The following SKAP2 variants were observed in gnomAD, a reference collection of about 807,000 sequenced individuals.
SKAP2 encodes src kinase associated phosphoprotein 2.
Under a neutral mutation model 54.9 loss-of-function variants are expected in SKAP2, and 28 were observed. The ratio of observed to expected loss-of-function variants is 0.51; its 90% CI spans 0.38 to 0.70. The LOEUF (loss-of-function observed/expected upper bound fraction) is 0.70, where lower values mean the gene tolerates loss of function less well. Among genes scored for constraint, SKAP2 ranks in the 30% least tolerant of loss-of-function variants. SKAP2 has a pLI of 0.00. For synonymous variants in SKAP2, 137 were observed against 134.3 expected (o/e 1.02, Z -0.14); for missense variants, 356 against 424.1 (o/e 0.84, Z 1.41).
intron 4 of SKAP2, among the ~76,000 whole-genome samples, chr7:26,777,864 C>A (rs928495628): frequency 8.6e-5 from 13 of 151,816 alleles, no homozygotes; most frequent in Non-Finnish European, 1.9e-4. Flanking sequence ...ATACTACATA[C>A]CTGGTAAAAT....
chr7:26,659,256 G>T, the SKAP2 span, among the ~76,000 whole-genome samples: 18 of 152,066 alleles, frequency 1.2e-4, no homozygotes, highest in South Asian at 3.5e-3. Flanking sequence ...TGGCTTTATG[G>T]CTTTTTAAAA....
chr7:26,747,839 CT>C (rs1191763122), intron 4 of SKAP2, among the ~76,000 whole-genome samples: 2 of 151,332 alleles, frequency 1.3e-5, no homozygotes, highest in Admixed American at 6.6e-5. Flanking sequence ...TCTCCTTTCC[CT>C]TTTTTTCTTC....
Position 26,690,369 on chromosome 7 carries a change from A to G in SKAP2, c.797-7T>C. The stretch of plus-strand genomic sequence containing the variant: ...GCACTGTCCTCTTCTTCTTCTGTAA[A>G]TAAACATTATCAATGGCACATTGAA... On this transcript the variant is annotated splice_polypyrimidine_tract_variant and splice_region_variant and intron_variant, in intron 9 of 12. Coordinates refer to ENST00000345317, the MANE Select transcript of SKAP2 (RefSeq NM_003930.5). 1 of 1,592,324 alleles carries G rather than the reference A, an allele frequency of 6.3e-7. No individual in the cohort carries two copies. The highest frequency in any genetic ancestry group is 1.1e-5 in the South Asian group (1 of 90,654).
intron 4 of SKAP2, among the ~76,000 whole-genome samples, chr7:26,786,948 C>T (rs550464427): frequency 1.9e-4 from 29 of 152,132 alleles, no homozygotes; most frequent in African/African-American, 6.7e-4. Flanking sequence ...TTTCCCATAG[C>T]TAATTAATTT....
chr7:26,783,286 T>C (rs941097653), intron 4 of SKAP2, among the ~76,000 whole-genome samples: 1 of 152,152 alleles, frequency 6.6e-6, no homozygotes, highest in Admixed American at 6.5e-5. Context: ...AATATCTTGT[T>C]TGTTCTCTCC....
At position 26,805,731 on chromosome 7, in the gene SKAP2, G is replaced by C. The variant is rs116090065; in HGVS notation, c.307+38299C>G. ...AATTCTGACTGCAATTTCATGAATA[G>C]TTCTAAGCCAGAGACTGCTAAGCCA... On this transcript the variant is annotated intron_variant, in intron 4 of 12. Coordinates refer to ENST00000345317, the MANE Select transcript of SKAP2 (RefSeq NM_003930.5). Among the ~76,000 whole-genome samples, 774 of 152,312 alleles carry C rather than the reference G, an allele frequency of 5.1e-3. 6 individuals carry two copies. The highest frequency in any genetic ancestry group is 0.018 in the African/African-American group (732 of 41,562).
At position 26,709,789 on chromosome 7, in the gene SKAP2, G is replaced by A. The variant is rs573571218; in HGVS notation, c.796+15639C>T. 5.3e-5 allele frequency among the ~76,000 whole-genome samples: 8 copies of A among 152,224 alleles called. No individual in the cohort carries two copies. The East Asian group carries it at 9.7e-4, about 18-fold the overall frequency. ...TCATTTCCTGGGAAATGTCTTGCTC[G>A]AGATGACTAGCCTGCCATAGGGAAC... On this transcript the variant is annotated intron_variant, in intron 9 of 12. Transcript: ENST00000345317.
At chr7:26,788,483 T>C (rs1783605487) in intron 4 of SKAP2, among the ~76,000 whole-genome samples, 1 of 152,206 alleles carries the variant, frequency 6.6e-6, no homozygotes, top group Non-Finnish European at 1.5e-5. Context: ...TTTCTTACAT[T>C]ACAAATTAAG....
intron 6 of SKAP2, among the ~76,000 whole-genome samples, chr7:26,735,480 T>G (rs1261987564): frequency 2.6e-5 from 4 of 152,160 alleles, no homozygotes; most frequent in Non-Finnish European, 5.9e-5. Flanking sequence ...ACCCAACAGG[T>G]TGGAACTACT....
At chr7:26,671,350 T>C (rs1404668958) in intron 11 of SKAP2, among the ~76,000 whole-genome samples, 1 of 152,080 alleles carries the variant, frequency 6.6e-6, no homozygotes, top group East Asian at 1.9e-4. Context: ...TAAATGTGCA[T>C]ATGTATATTG....
At chr7:26,681,163 A>C (rs1786484156) in intron 11 of SKAP2, among the ~76,000 whole-genome samples, 1 of 152,234 alleles carries the variant, frequency 6.6e-6, no homozygotes, top group Non-Finnish European at 1.5e-5. Context: ...CAAAATTAAA[A>C]CACTTGCCGG....
At chr7:26,714,608 C>T (rs1315326330) in intron 9 of SKAP2, among the ~76,000 whole-genome samples, 6 of 152,066 alleles carry the variant, frequency 3.9e-5, no homozygotes, top group African/African-American at 1.2e-4. Context: ...CTTGTTCATT[C>T]TTATTAATCA....
intron 1 of SKAP2, among the ~76,000 whole-genome samples, chr7:26,860,064 G>A (rs537583689): frequency 6.6e-6 from 1 of 152,212 alleles, no homozygotes; most frequent in African/African-American, 2.4e-5. Context: ...CTGGTAACAG[G>A]AGCAATAAGC....
intron 4 of SKAP2, among the ~76,000 whole-genome samples, chr7:26,750,727 C>A (rs1782663049): frequency 6.6e-6 from 1 of 152,064 alleles, no homozygotes; most frequent in African/African-American, 2.4e-5. Context: ...CACATATACA[C>A]AAACATGGAA....
intron 4 of SKAP2, among the ~76,000 whole-genome samples, chr7:26,753,308 T>C (rs1201244746): frequency 1.3e-5 from 2 of 152,126 alleles, no homozygotes. Flanking sequence ...GAAATTTGAG[T>C]GCACATGGAA....
At chr7:26,807,730 G>A in intron 4 of SKAP2, among the ~76,000 whole-genome samples, 1 of 152,158 alleles carries the variant, frequency 6.6e-6, no homozygotes. Flanking sequence ...AAAACTCACT[G>A]TTATCTTACT....
chr7:26,722,897 C>G (rs1787609662), intron 9 of SKAP2, among the ~76,000 whole-genome samples: 2 of 152,196 alleles, frequency 1.3e-5, no homozygotes, highest in African/African-American at 4.8e-5. Flanking sequence ...TATACCTCAT[C>G]TTTCAACTAA....
At chr7:26,711,553 A>G (rs973726131) in intron 9 of SKAP2, among the ~76,000 whole-genome samples, 17 of 152,248 alleles carry the variant, frequency 1.1e-4, no homozygotes, top group African/African-American at 3.6e-4. Context: ...TAAGGCATCT[A>G]GAGCTACACA....
intron 4 of SKAP2, among the ~76,000 whole-genome samples, chr7:26,742,924 C>G (rs554974024): frequency 1.3e-5 from 2 of 151,944 alleles, no homozygotes; most frequent in Non-Finnish European, 2.9e-5. Context: ...TCATTTAGAC[C>G]TCATATCACT....
Sources: gnomAD v4.1 joint callset for allele counts (sites outside exome capture counted in the v4.1 genomes callset) on GRCh38, gnomAD v4.1.1 for gene constraint, MANE v1.5 for transcripts, NCBI Gene and HGNC (gene_info 2026-07-23, HGNC 2026-07-21) for gene names.